Variants in SUPT3H observed in about 807,000 individuals in gnomAD.
SUPT3H encodes the protein transcription initiation protein SPT3 homolog.
In SUPT3H, 44 loss-of-function variants were observed where a neutral mutation model predicts 44.3. That is an observed-to-expected ratio of 0.99 (90% CI 0.78 to 1.28). The LOEUF (loss-of-function observed/expected upper bound fraction) is 1.28. Among genes scored for constraint, SUPT3H ranks in the 50% most tolerant of loss-of-function variants. The probability of loss-of-function intolerance (pLI) is 0.00; values close to 1 mark genes in which losing one functional copy is unlikely to be tolerated. For synonymous variants in SUPT3H, 124 were observed against 125.6 expected (o/e 0.99, Z 0.09); for missense variants, 380 against 387.1 (o/e 0.98, Z 0.15).
chr6:44,858,852 C>T (rs1039151019), intron 10 of SUPT3H, among the ~76,000 whole-genome samples: 1 of 152,084 alleles, frequency 6.6e-6, no homozygotes, highest in Non-Finnish European at 1.5e-5. Flanking sequence ...TACATTTTGC[C>T]TGTGTAGACA....
chr6:44,908,913 T>G (rs1158270158), intron 10 of SUPT3H, among the ~76,000 whole-genome samples: 1 of 152,210 alleles, frequency 6.6e-6, no homozygotes, highest in Non-Finnish European at 1.5e-5. Context: ...GTTTAGAAAC[T>G]CTAAATTATA....
intron 2 of SUPT3H, among the ~76,000 whole-genome samples, chr6:45,282,532 G>GA (rs958138212): frequency 3.3e-5 from 5 of 151,956 alleles, no homozygotes; most frequent in African/African-American, 1.2e-4. Context: ...GAGAAGTTTC[G>GA]AAAAAAAGAA....
chr6:44,943,482 C>T (rs547584898), intron 9 of SUPT3H, among the ~76,000 whole-genome samples: 7 of 152,158 alleles, frequency 4.6e-5, no homozygotes, highest in East Asian at 1.9e-4. Context: ...GCCAAAAAGT[C>T]CCCTAATTTG....
chr6:44,885,028 G>A lies in SUPT3H; in HGVS notation c.912+47625C>T, dbSNP rs560746090. Among the ~76,000 whole-genome samples the A allele has an allele frequency of 4.2e-4, 64 of 152,286 alleles. No homozygotes were observed. The South Asian group carries it at 5.4e-3, about 13-fold the overall frequency. Reference sequence around the variant, plus strand: ...TGGCTGATTGCTAGCACAGCAGTCTGAAATCAAACTGCAAGGCGGCAGTGA... The same window carrying A: ...TGGCTGATTGCTAGCACAGCAGTCTAAAATCAAACTGCAAGGCGGCAGTGA... On this transcript the variant is annotated intron_variant, in intron 10 of 10. Coordinates refer to ENST00000371459, the MANE Select transcript of SUPT3H (RefSeq NM_003599.4).
intron 9 of SUPT3H, among the ~76,000 whole-genome samples, chr6:44,945,976 G>A (rs1343937728): frequency 6.6e-6 from 1 of 152,128 alleles, no homozygotes; most frequent in East Asian, 1.9e-4. Flanking sequence ...AGGGGCTCAT[G>A]CAGCTGGTGA....
intron 3 of SUPT3H, among the ~76,000 whole-genome samples, chr6:45,065,082 T>G (rs953730454): frequency 2.0e-5 from 3 of 150,444 alleles, no homozygotes; most frequent in African/African-American, 7.3e-5. Context: ...TCAGCAAATG[T>G]AAAAGAACAG....
At chr6:44,942,164 CCTT>C (rs947990409) in intron 9 of SUPT3H, among the ~76,000 whole-genome samples, 13 of 152,100 alleles carry the variant, frequency 8.5e-5, no homozygotes, top group African/African-American at 3.1e-4. Context: ...AATTACAACT[CCTT>C]CTCACATACT....
intron 10 of SUPT3H, among the ~76,000 whole-genome samples, chr6:44,859,215 A>G (rs1397079320): frequency 1.3e-5 from 2 of 152,212 alleles, no homozygotes; most frequent in East Asian, 3.8e-4. Flanking sequence ...TGTGTCTCTT[A>G]GTGAAAGGTA....
At chr6:45,281,832 ACC>A (rs1165412509) in intron 2 of SUPT3H, among the ~76,000 whole-genome samples, 35 of 151,920 alleles carry the variant, frequency 2.3e-4, no homozygotes, top group Admixed American at 5.9e-4. Context: ...ACTGGGAGGC[ACC>A]CCCCAGTAGG....
intron 10 of SUPT3H, among the ~76,000 whole-genome samples, chr6:44,910,863 C>T (rs1766910947): frequency 6.6e-6 from 1 of 151,590 alleles, no homozygotes; most frequent in Non-Finnish European, 1.5e-5. Context: ...GGTATGATGG[C>T]AGGTGCCTAT....
At chr6:45,181,895 ATAAATAAT>A (rs1157605891) in intron 2 of SUPT3H, among the ~76,000 whole-genome samples, 128 of 144,906 alleles carry the variant, frequency 8.8e-4, no homozygotes, top group African/African-American at 3.2e-3. Flanking sequence ...AAATAAATAA[ATAAATAAT>A]AAAACTATAC....
intron 11 of SUPT3H, among the ~76,000 whole-genome samples, chr6:44,813,162 AT>A (rs1766651632): frequency 6.6e-6 from 1 of 152,144 alleles, no homozygotes; most frequent in Non-Finnish European, 1.5e-5. Flanking sequence ...CTGCCAGAAA[AT>A]TATATCCTCT....
chr6:45,140,096 T>C (rs919566987), intron 2 of SUPT3H, among the ~76,000 whole-genome samples: 2 of 151,980 alleles, frequency 1.3e-5, no homozygotes, highest in African/African-American at 4.8e-5. Flanking sequence ...CACTACTGAT[T>C]ATCCCCCACT....
At chr6:45,271,027 G>A (rs921032409) in intron 2 of SUPT3H, among the ~76,000 whole-genome samples, 2 of 152,188 alleles carry the variant, frequency 1.3e-5, no homozygotes, top group African/African-American at 4.8e-5. Context: ...ATAATTTAGG[G>A]TATCTGACAG....
In SUPT3H at chr6:45,087,261, A is replaced by G. The variant is rs573872036; in HGVS notation, c.186+18661T>C. Among the ~76,000 whole-genome samples, 9 of 152,090 alleles carry G rather than the reference A, an allele frequency of 5.9e-5. No individual in the cohort carries two copies. The South Asian group carries it at 1.9e-3, about 32-fold the overall frequency. The stretch of plus-strand genomic sequence containing the variant: ...AATAATAATGCTGGATGATTAATAA[A>G]TGATACTGAATTTTAAGCTTTTCCC... On this transcript the variant is annotated intron_variant, in intron 3 of 10. Coordinates refer to ENST00000371459, the MANE Select transcript of SUPT3H (RefSeq NM_003599.4).
In SUPT3H at chr6:45,231,884, G is replaced by T. The variant is rs749803879; in HGVS notation, c.102-125878C>A. 4.6e-5 allele frequency among the ~76,000 whole-genome samples: 7 copies of T among 152,078 alleles called. No individual in the cohort carries two copies. In the East Asian group the frequency reaches 5.8e-4, roughly 13 times the overall value. ...GTTCTAGTCTATTGCTGAAGCTTTC[G>T]AGTGTATTTTGTATTTCATAAAAGG... On this transcript the variant is annotated intron_variant, in intron 2 of 10. Transcript: ENST00000371459.
chr6:44,881,381 C>T (rs1778194377), intron 10 of SUPT3H, among the ~76,000 whole-genome samples: 1 of 152,046 alleles, frequency 6.6e-6, no homozygotes, highest in Non-Finnish European at 1.5e-5. Context: ...CACCCAGATT[C>T]ATAAAGCAAG....
chr6:45,179,736 A>G (rs1206961753), intron 2 of SUPT3H, among the ~76,000 whole-genome samples: 1 of 152,240 alleles, frequency 6.6e-6, no homozygotes, highest in Non-Finnish European at 1.5e-5. Flanking sequence ...AGTAAGAGCT[A>G]TCTATGACAA....
chr6:44,919,949 G>T (rs973894026), intron 10 of SUPT3H, among the ~76,000 whole-genome samples: 3 of 152,016 alleles, frequency 2.0e-5, no homozygotes, highest in African/African-American at 7.3e-5. Flanking sequence ...CGTGATCTCA[G>T]CTCACCACGA....
Sources: gnomAD v4.1 joint callset for allele counts (sites outside exome capture counted in the v4.1 genomes callset) on GRCh38, gnomAD v4.1.1 for gene constraint, MANE v1.5 for transcripts, NCBI Gene and HGNC (gene_info 2026-07-23, HGNC 2026-07-21) for gene names.